Variants in NEGR1 observed in about 807,000 individuals in gnomAD.
NEGR1 encodes the protein IgLON family member 4.
Under a neutral mutation model 40.9 loss-of-function variants are expected in NEGR1, and 10 were observed. That is an observed-to-expected ratio of 0.24 (90% CI 0.15 to 0.42). The LOEUF (loss-of-function observed/expected upper bound fraction) is 0.42. Among genes scored for constraint, NEGR1 ranks in the 10% least tolerant of loss-of-function variants. The pLI, the probability that NEGR1 is intolerant of heterozygous loss-of-function variation, is 1.00. For synonymous variants in NEGR1, 185 were observed against 166.8 expected (o/e 1.11, Z -0.84); for missense variants, 352 against 438.9 (o/e 0.80, Z 1.77).
intron 2 of NEGR1, among the ~76,000 whole-genome samples, chr1:71,921,003 T>C (rs908894761): frequency 6.6e-6 from 1 of 152,174 alleles, no homozygotes; most frequent in African/African-American, 2.4e-5. Context: ...ACCCAAAAGC[T>C]AATAAAGAGA....
At chr1:71,441,395 T>C (rs1378461345) in intron 6 of NEGR1, among the ~76,000 whole-genome samples, 1 of 152,168 alleles carries the variant, frequency 6.6e-6, no homozygotes, top group Non-Finnish European at 1.5e-5. Context: ...CCTCATGACT[T>C]TGAATTAGCC....
At chr1:71,577,483 T>G (rs1649002211) in intron 6 of NEGR1, among the ~76,000 whole-genome samples, 1 of 152,172 alleles carries the variant, frequency 6.6e-6, no homozygotes, top group Non-Finnish European at 1.5e-5. Flanking sequence ...CAGATGACTA[T>G]GTATCTCCTG....
intron 1 of NEGR1, among the ~76,000 whole-genome samples, chr1:72,208,861 A>T (rs561240475): frequency 4.6e-5 from 7 of 151,812 alleles, no homozygotes; most frequent in African/African-American, 1.7e-4. Flanking sequence ...TACAGACAGA[A>T]ATCAAACAGT....
intron 2 of NEGR1, among the ~76,000 whole-genome samples, chr1:71,911,452 T>G (rs925674602): frequency 6.6e-6 from 1 of 152,182 alleles, no homozygotes; most frequent in African/African-American, 2.4e-5. Context: ...AAAATAGGAT[T>G]AATATACCTA....
At chr1:71,887,835 T>C (rs1660767821) in intron 2 of NEGR1, among the ~76,000 whole-genome samples, 1 of 152,142 alleles carries the variant, frequency 6.6e-6, no homozygotes, top group Non-Finnish European at 1.5e-5. Context: ...TATATTCTCC[T>C]GAAAGATCAG....
chr1:72,201,607 A>T (rs1216051836), intron 1 of NEGR1, among the ~76,000 whole-genome samples: 1 of 151,844 alleles, frequency 6.6e-6, no homozygotes, highest in Non-Finnish European at 1.5e-5. Flanking sequence ...TTGCTTACAA[A>T]CCACAAAGGT....
chr1:71,829,847 G>A (rs1201479725), intron 2 of NEGR1, among the ~76,000 whole-genome samples: 1 of 151,874 alleles, frequency 6.6e-6, no homozygotes, highest in African/African-American at 2.4e-5. Context: ...AGGTGGTTTG[G>A]CCAGGGAACT....
intron 6 of NEGR1, among the ~76,000 whole-genome samples, chr1:71,548,623 G>A (rs981046454): frequency 6.6e-6 from 1 of 151,668 alleles, no homozygotes; most frequent in Non-Finnish European, 1.5e-5. Context: ...TGATGGCAAC[G>A]TTTCATCTCA....
intron 1 of NEGR1, among the ~76,000 whole-genome samples, chr1:72,143,769 T>C (rs1338179668): frequency 1.8e-4 from 27 of 149,176 alleles, no homozygotes; most frequent in African/African-American, 6.3e-4. Flanking sequence ...ACACATTTTA[T>C]TGAATATGGG....
At chr1:72,125,798 A>G (rs1313332633) in intron 1 of NEGR1, among the ~76,000 whole-genome samples, 1 of 152,154 alleles carries the variant, frequency 6.6e-6, no homozygotes. Flanking sequence ...TAAATTATTG[A>G]AAGTAATTAA....
intron 1 of NEGR1, among the ~76,000 whole-genome samples, chr1:72,241,467 T>C (rs1221175062): frequency 6.6e-6 from 1 of 151,510 alleles, no homozygotes; most frequent in Admixed American, 6.6e-5. Context: ...AAATGGTCAA[T>C]GACCTCTAAT....
chr1:72,269,037 T>C (rs1655754113), intron 1 of NEGR1, among the ~76,000 whole-genome samples: 2 of 151,578 alleles, frequency 1.3e-5, no homozygotes, highest in Non-Finnish European at 3.0e-5. Flanking sequence ...TATAAGCACA[T>C]TTTAAAAGAT....
chr1:71,541,419 G>A (rs1235102733), intron 6 of NEGR1, among the ~76,000 whole-genome samples: 3 of 151,692 alleles, frequency 2.0e-5, no homozygotes, highest in Non-Finnish European at 4.4e-5. Context: ...CTGAAAACAA[G>A]TAATGAAAAG....
chr1:71,684,516 G>A (rs543712601), intron 4 of NEGR1, among the ~76,000 whole-genome samples: 2 of 152,138 alleles, frequency 1.3e-5, no homozygotes, highest in African/African-American at 2.4e-5. Context: ...GTGTGTGTGC[G>A]TGCGTGCACA....
chr1:71,447,476 A>C (rs1310393351), intron 6 of NEGR1, among the ~76,000 whole-genome samples: 3 of 152,214 alleles, frequency 2.0e-5, no homozygotes, highest in Admixed American at 1.3e-4. Context: ...GCTGCTTTCC[A>C]TGCAATTACT....
chr1:72,251,039 G>A (rs1218739009), intron 1 of NEGR1, among the ~76,000 whole-genome samples: 4 of 152,084 alleles, frequency 2.6e-5, no homozygotes, highest in Non-Finnish European at 4.4e-5. Flanking sequence ...ACCCCCAGTC[G>A]AATTCACCAG....
chr1:72,183,247 G>C (rs1156854017), intron 1 of NEGR1, among the ~76,000 whole-genome samples: 2 of 152,098 alleles, frequency 1.3e-5, no homozygotes, highest in Non-Finnish European at 1.5e-5. Flanking sequence ...ATCCAACACA[G>C]TATCTTTGCC....
At chr1:71,911,563 T>G (rs1661420919) in intron 2 of NEGR1, among the ~76,000 whole-genome samples, 1 of 152,166 alleles carries the variant, frequency 6.6e-6, no homozygotes, top group South Asian at 2.1e-4. Flanking sequence ...GAACAGGAGC[T>G]GTTTTGAGAG....
At chr1:71,702,800 G>A (rs761986402) in intron 3 of NEGR1, among the ~76,000 whole-genome samples, 1 of 150,524 alleles carries the variant, frequency 6.6e-6, no homozygotes, top group African/African-American at 2.4e-5. Context: ...TGGAAGAGAA[G>A]TAAACACAGT....
Sources: allele counts gnomAD v4.1 joint callset (sites outside exome capture counted in the v4.1 genomes callset), GRCh38; gene constraint gnomAD v4.1.1; transcripts MANE v1.5; gene names NCBI Gene and HGNC (gene_info 2026-07-23, HGNC 2026-07-21).